ZC3HC1: variants seen among roughly 807,000 people sequenced by gnomAD.
The protein encoded by ZC3HC1 is zinc finger C3HC-type protein 1.
Under a neutral mutation model 61.9 loss-of-function variants are expected in ZC3HC1, and 38 were observed. The ratio of observed to expected loss-of-function variants is 0.61; its 90% CI spans 0.47 to 0.81. The LOEUF (loss-of-function observed/expected upper bound fraction) is 0.81. Among genes scored for constraint, ZC3HC1 ranks in the 30% least tolerant of loss-of-function variants. The pLI, the probability that ZC3HC1 is intolerant of heterozygous loss-of-function variation, is 0.00. For missense variants in ZC3HC1, 554 were observed against 622.7 expected (o/e 0.89, Z 1.17); for synonymous variants, 213 against 229.9 (o/e 0.93, Z 0.67).
At chr7:130,041,622 G>A (rs1360435405) in intron 2 of ZC3HC1, among the ~76,000 whole-genome samples, 2 of 143,972 alleles carry the variant, frequency 1.4e-5, no homozygotes, top group African/African-American at 5.1e-5. Flanking sequence ...TCCACTTCCC[G>A]GGTTCAAGTG....
At chr7:130,018,868 T>C (rs1008424623) in intron 9 of ZC3HC1, 136 bp from the exon 10 acceptor site, 2 of 664,620 alleles carry the variant, frequency 3.0e-6, no homozygotes, top group African/African-American at 1.8e-5. Context: ...ACATAATGTA[T>C]ACCTAAAGTC....
chr7:130,023,752 C>A lies in ZC3HC1; in HGVS notation c.1021-29G>T. The A allele has an allele frequency of 6.5e-7, 1 of 1,535,840 alleles. No individual in the cohort carries two copies. Among genetic ancestry groups the A allele is most frequent in the African/African-American group, 1.4e-5 (1 of 73,174 alleles). ...AAGGAAAGGGGAGATAATGGAAGTA[C>A]ACGAATGATATTAATGATTATGGTC... On this transcript the variant is annotated intron_variant, in intron 7 of 9. Coordinates refer to ENST00000358303, the MANE Select transcript of ZC3HC1 (RefSeq NM_016478.5). This position sits in a 1 kb window ranked among gnomAD's most constrained non-coding sequence, Gnocchi z 4.2.
At chr7:130,030,824 G>A (rs1794150128) in intron 4 of ZC3HC1, among the ~76,000 whole-genome samples, 1 of 151,420 alleles carries the variant, frequency 6.6e-6, no homozygotes, top group Non-Finnish European at 1.5e-5. Context: ...GCCCGCCACT[G>A]CGCCTGGCTA....
chr7:130,040,929 G>GT, intron 3 of ZC3HC1, 22 bp downstream of exon 3: 2 of 1,589,238 alleles, frequency 1.3e-6, no homozygotes, highest in South Asian at 2.3e-5. Context: ...GGAGAAAAAT[G>GT]TAATTTGTAC....
chr7:130,049,608 G>T (rs1425360598), intron 1 of ZC3HC1, among the ~76,000 whole-genome samples: 1 of 151,442 alleles, frequency 6.6e-6, no homozygotes, highest in African/African-American at 2.4e-5. Context: ...GCAACGGTGC[G>T]ATCTCGGCTC....
At position 130,040,887 on chromosome 7, in the gene ZC3HC1, C is replaced by A. The variant is rs542849657; in HGVS notation, c.409+64G>T. 1.2e-5 allele frequency: 18 copies of A among 1,442,550 alleles called. No individual in the cohort carries two copies. The Admixed American group carries it at 1.5e-4, about 12-fold the overall frequency. The allele number at this position is 1,442,550 out of a possible 1,614,324, so 89.4% of individuals were successfully genotyped here. ...AACTAAAATGACCTTTTTTCCCCCC[C>A]CAGAAAACCAGGATAGTATATATTT... On this transcript the variant is annotated intron_variant, in intron 3 of 9. Coordinates refer to ENST00000358303, the MANE Select transcript of ZC3HC1 (RefSeq NM_016478.5).
chr7:130,032,022 A>T (rs573300030), intron 4 of ZC3HC1, among the ~76,000 whole-genome samples: 1 of 152,154 alleles, frequency 6.6e-6, no homozygotes, highest in Non-Finnish European at 1.5e-5. Context: ...TCAGCAGTTC[A>T]AGACCAGCCT....
At chr7:130,031,992 G>A (rs1340894692) in intron 4 of ZC3HC1, among the ~76,000 whole-genome samples, 1 of 152,182 alleles carries the variant, frequency 6.6e-6, no homozygotes, top group Non-Finnish European at 1.5e-5. Context: ...TTGGGAGGCC[G>A]AGGTGGGCGG....
At chr7:130,030,451 TG>T (rs533414139) in intron 4 of ZC3HC1, among the ~76,000 whole-genome samples, 11 of 152,078 alleles carry the variant, frequency 7.2e-5, no homozygotes, top group Admixed American at 4.6e-4. Context: ...CCACCCACCT[TG>T]GCCTCCCAAA....
At position 130,023,495 on chromosome 7, in the gene ZC3HC1, T is replaced by C. The variant is rs773884810; in HGVS notation, c.1233+16A>G. ...CTGTTTATGCTCAGCCACTGCTACA[T>C]GCGAGGTGGACTCACCGAACTGCTG... On this transcript the variant is annotated intron_variant, in intron 8 of 9. Coordinates refer to ENST00000358303, the MANE Select transcript of ZC3HC1 (RefSeq NM_016478.5). This position sits in a 1 kb window ranked among gnomAD's most constrained non-coding sequence, Gnocchi z 4.2. The C allele has an allele frequency of 3.7e-6, 6 of 1,613,272 alleles. No individual in the cohort carries two copies. The highest frequency in any genetic ancestry group is 1.1e-5 in the South Asian group (1 of 91,016).
At chr7:130,019,844 T>A (rs1793560013) in intron 9 of ZC3HC1, among the ~76,000 whole-genome samples, 1 of 125,490 alleles carries the variant, frequency 8.0e-6, no homozygotes, top group African/African-American at 3.1e-5. Flanking sequence ...TTGAGACAGG[T>A]CTCGCTCTGT....
At chr7:130,043,064 T>C (rs1465776234) in intron 2 of ZC3HC1, among the ~76,000 whole-genome samples, 1 of 151,998 alleles carries the variant, frequency 6.6e-6, no homozygotes, top group Non-Finnish European at 1.5e-5. Flanking sequence ...TCACTTGAGG[T>C]CAGGAGTTTG....
chr7:130,049,437 CCTCA>C (rs2116785926), intron 1 of ZC3HC1, among the ~76,000 whole-genome samples: 1 of 152,286 alleles, frequency 6.6e-6, no homozygotes, highest in East Asian at 1.9e-4. Flanking sequence ...AAACTATTCT[CCTCA>C]CTCACTCACT....
chr7:130,041,172 G>GTA (rs1794653943), intron 2 of ZC3HC1, 71 bp from the exon 3 acceptor site: 3 of 1,501,182 alleles, frequency 2.0e-6, no homozygotes, highest in Middle Eastern at 1.8e-4. Context: ...GTGTGTGTGT[G>GTA]TGTGTATACA....
chr7:130,029,537 T>C (rs189607908), intron 4 of ZC3HC1, among the ~76,000 whole-genome samples: 1 of 152,314 alleles, frequency 6.6e-6, no homozygotes, highest in East Asian at 1.9e-4. Context: ...GTAGAATCCA[T>C]ATTTTTTATA....
At chr7:130,049,167 T>C in intron 1 of ZC3HC1, 23 bp from the exon 2 acceptor site, 1 of 1,558,670 alleles carries the variant, frequency 6.4e-7, no homozygotes, top group Non-Finnish European at 8.7e-7. Flanking sequence ...GGCAAAACTG[T>C]TGGTAAACCT....
chr7:130,044,363 G>C (rs368426559), intron 2 of ZC3HC1, among the ~76,000 whole-genome samples: 2 of 152,092 alleles, frequency 1.3e-5, no homozygotes, highest in Non-Finnish European at 2.9e-5. Context: ...AAACAGCCAA[G>C]GATCCTTGTA....
At position 130,039,564 on chromosome 7, in the gene ZC3HC1, C is replaced by T. The variant is rs972282901; in HGVS notation, c.410-17G>A. On this transcript the variant is annotated splice_polypyrimidine_tract_variant and intron_variant, in intron 3 of 9. Coordinates refer to ENST00000358303, the MANE Select transcript of ZC3HC1 (RefSeq NM_016478.5). ...GTTGCTTATCTGAAATCCACATAAA[C>T]AGCAACACCTTAAAAAACACTATAT... The T allele has an allele frequency of 3.2e-5, 51 of 1,598,610 alleles. No homozygotes were observed. The highest frequency in any genetic ancestry group is 4.3e-5 in the Non-Finnish European group (51 of 1,173,442).
At chr7:130,041,172 G>GTT (rs1794653943) in intron 2 of ZC3HC1, 71 bp from the exon 3 acceptor site, 7 of 1,501,180 alleles carry the variant, frequency 4.7e-6, no homozygotes, top group South Asian at 1.3e-5. Flanking sequence ...GTGTGTGTGT[G>GTT]TGTGTATACA....
Sources: gnomAD v4.1 joint callset for allele counts (sites outside exome capture counted in the v4.1 genomes callset) on GRCh38, gnomAD v4.1.1 for gene constraint, Gnocchi (gnomAD v3.1) non-coding constraint, MANE v1.5 for transcripts, NCBI Gene and HGNC (gene_info 2026-07-23, HGNC 2026-07-21) for gene names.